Variants in RANBP17 observed in about 807,000 individuals in gnomAD.
The protein encoded by RANBP17 is ran-binding protein 17.
In RANBP17, 158 loss-of-function variants were observed where a neutral mutation model predicts 141.2. That is an observed-to-expected ratio of 1.12 (90% CI 0.98 to 1.28). The LOEUF (loss-of-function observed/expected upper bound fraction) is 1.28. Ranked by LOEUF, RANBP17 falls within the 50% of genes most tolerant of loss-of-function variation. RANBP17 has a pLI of 0.00. For synonymous variants in RANBP17, 430 were observed against 450.0 expected (o/e 0.96, Z 0.56); for missense variants, 1,438 against 1,290.7 (o/e 1.11, Z -1.75).
intron 1 of RANBP17, among the ~76,000 whole-genome samples, chr5:170,872,683 C>T (rs1402183210): frequency 1.3e-5 from 2 of 152,076 alleles, no homozygotes; most frequent in Non-Finnish European, 2.9e-5. Flanking sequence ...AGATATATTC[C>T]ATCAATACCT....
intron 14 of RANBP17, among the ~76,000 whole-genome samples, chr5:171,112,427 CA>C (rs530851926): frequency 1.3e-5 from 2 of 149,476 alleles, no homozygotes; most frequent in African/African-American, 2.4e-5. Flanking sequence ...TCCAAACAAA[CA>C]AAAAAAAGGT....
intron 15 of RANBP17, among the ~76,000 whole-genome samples, chr5:171,170,881 G>A (rs991109541): frequency 6.6e-6 from 1 of 152,036 alleles, no homozygotes; most frequent in East Asian, 1.9e-4. Context: ...CCTCTATTTG[G>A]CTTTCTTTGT....
chr5:171,268,078 G>A (rs966746243), intron 25 of RANBP17, among the ~76,000 whole-genome samples: 7 of 152,104 alleles, frequency 4.6e-5, no homozygotes, highest in African/African-American at 1.7e-4. Flanking sequence ...GTAATATAAA[G>A]GAAAAAGGAA....
intron 24 of RANBP17, among the ~76,000 whole-genome samples, chr5:171,258,443 A>T (rs560115914): frequency 6.0e-4 from 92 of 152,192 alleles, no homozygotes; most frequent in Non-Finnish European, 1.1e-3. Context: ...GACCAACCAG[A>T]ACTCAGCTGT....
At chr5:171,013,894 TC>T (rs1780248540) in intron 14 of RANBP17, among the ~76,000 whole-genome samples, 1 of 152,102 alleles carries the variant, frequency 6.6e-6, no homozygotes, top group Non-Finnish European at 1.5e-5. Context: ...TTTGTATTCT[TC>T]CTGATTCTCT....
chr5:170,953,773 T>G (rs1775392845), intron 13 of RANBP17, 71 bp downstream of exon 13: 1 of 979,014 alleles, frequency 1.0e-6, no homozygotes, highest in Middle Eastern at 2.1e-4. Context: ...GAACTAGTAT[T>G]ATGAGTGAAG....
rs1768348898 is a variant in RANBP17, at chr5:170,878,150, T to TA, written c.73dup (p.Thr25AsnfsTer7). 3 of 1,612,890 alleles carry TA rather than the reference T, an allele frequency of 1.9e-6. No individual in the cohort carries two copies. Among genetic ancestry groups the TA allele is most frequent in the Non-Finnish European group, 2.5e-6 (3 of 1,179,428 alleles). ...CTCATCTCTACATAGGGACTGATCTTACACAAAGAATAGAGGCTGAGAAAG... is the reference window on the plus strand; with the variant it reads ...CTCATCTCTACATAGGGACTGATCTTAACACAAAGAATAGAGGCTGAGAAAG... On this transcript the variant is annotated frameshift_variant, in exon 2 of 28. Transcript: ENST00000523189. LOFTEE classifies it high-confidence loss of function.
intron 14 of RANBP17, among the ~76,000 whole-genome samples, chr5:171,051,343 C>T (rs190613198): frequency 6.6e-6 from 1 of 152,236 alleles, no homozygotes; most frequent in East Asian, 1.9e-4. Flanking sequence ...TAAAACTTTT[C>T]ACCACTCCAG....
chr5:171,130,127 T>C (rs1354858680), intron 14 of RANBP17, among the ~76,000 whole-genome samples: 1 of 152,152 alleles, frequency 6.6e-6, no homozygotes, highest in East Asian at 1.9e-4. Context: ...AACTATATCA[T>C]TGTTGAAGTA....
chr5:170,908,728 T>A (rs960269631), intron 5 of RANBP17, among the ~76,000 whole-genome samples: 1 of 151,796 alleles, frequency 6.6e-6, no homozygotes, highest in Admixed American at 6.6e-5. Flanking sequence ...CCATAACTAC[T>A]TTGTGTAATC....
intron 22 of RANBP17, among the ~76,000 whole-genome samples, chr5:171,234,214 T>A (rs917864214): frequency 6.6e-6 from 1 of 152,136 alleles, no homozygotes; most frequent in Non-Finnish European, 1.5e-5. Flanking sequence ...TGAAGACCAG[T>A]CTAGGCTGAG....
At chr5:170,973,828 T>C (rs920156863) in intron 14 of RANBP17, among the ~76,000 whole-genome samples, 1 of 152,220 alleles carries the variant, frequency 6.6e-6, no homozygotes, top group Admixed American at 6.5e-5. Flanking sequence ...GTGCCGTCTC[T>C]CTGTGTGTTC....
intron 14 of RANBP17, among the ~76,000 whole-genome samples, chr5:170,979,612 T>C (rs1283768440): frequency 1.3e-5 from 2 of 152,186 alleles, no homozygotes; most frequent in African/African-American, 4.8e-5. Context: ...TGATGGTTAC[T>C]ATAAAGGGGA....
intron 14 of RANBP17, among the ~76,000 whole-genome samples, chr5:171,058,214 G>A (rs1048667991): frequency 6.6e-6 from 1 of 151,042 alleles, no homozygotes; most frequent in Non-Finnish European, 1.5e-5. Flanking sequence ...ACAATTTGCA[G>A]GTTAGTTACA....
At chr5:170,986,070 T>A (rs1265669850) in intron 14 of RANBP17, among the ~76,000 whole-genome samples, 1 of 152,120 alleles carries the variant, frequency 6.6e-6, no homozygotes, top group Admixed American at 6.6e-5. Context: ...TTGCCTGAGA[T>A]TTCCCCAGCT....
At chr5:171,051,150 C>T (rs1398912626) in intron 14 of RANBP17, among the ~76,000 whole-genome samples, 1 of 151,882 alleles carries the variant, frequency 6.6e-6, no homozygotes, top group African/African-American at 2.4e-5. Context: ...TCAAAATTGT[C>T]TGGGTTTGGA....
chr5:170,918,251 T>TA (rs1772132953), intron 9 of RANBP17: 1 of 152,262 alleles, frequency 6.6e-6, no homozygotes, highest in South Asian at 2.1e-4. Context: ...TGCCTGTAGA[T>TA]ACTCAATAAA....
At chr5:171,276,002 A>G (rs1482537969) in intron 25 of RANBP17, among the ~76,000 whole-genome samples, 1 of 152,232 alleles carries the variant, frequency 6.6e-6, no homozygotes, top group Non-Finnish European at 1.5e-5. Flanking sequence ...CACCAGAAAC[A>G]ATCACTCCTA....
intron 1 of RANBP17, among the ~76,000 whole-genome samples, chr5:170,870,739 A>G (rs1204766902): frequency 6.6e-6 from 1 of 152,182 alleles, no homozygotes; most frequent in Non-Finnish European, 1.5e-5. Context: ...TATACCCAGT[A>G]ATGAGATTGC....
Sources: allele counts gnomAD v4.1 joint callset (sites outside exome capture counted in the v4.1 genomes callset), GRCh38; gene constraint gnomAD v4.1.1; transcripts MANE v1.5; gene names NCBI Gene and HGNC (gene_info 2026-07-23, HGNC 2026-07-21).